ANKMY1: variants seen among roughly 807,000 people sequenced by gnomAD.
ANKMY1 encodes ankyrin repeat and MYND domain containing 1, also known as ankyrin repeat and MYND domain-containing protein 1.
In ANKMY1, 98 loss-of-function variants were observed where a neutral mutation model predicts 102.0. That is an observed-to-expected ratio of 0.96 (90% confidence interval 0.82 to 1.14). The LOEUF is 1.14. Ranked by LOEUF, ANKMY1 falls within the 50% of genes most tolerant of loss-of-function variation. The pLI is 0.00. For missense variants in ANKMY1, 1,330 were observed against 1,347.6 expected (o/e 0.99, Z 0.20); for synonymous variants, 582 against 559.9 (o/e 1.04, Z -0.56).
chr2:240,485,480 A>G (rs2075944136), intron 15 of ANKMY1, among the ~76,000 whole-genome samples: 1 of 152,234 alleles, frequency 6.6e-6, no homozygotes, highest in Non-Finnish European at 1.5e-5. Flanking sequence ...GATCTAGAAC[A>G]AGTGGATTAT....
intron 4 of ANKMY1, among the ~76,000 whole-genome samples, chr2:240,533,840 G>A (rs1446158040): frequency 2.0e-5 from 3 of 151,782 alleles, no homozygotes; most frequent in Admixed American, 6.6e-5. Flanking sequence ...GAAACAGAAA[G>A]GTTGAAAGTA....
chr2:240,553,323 T>A, intron 3 of ANKMY1: 4 of 462,832 alleles, frequency 8.6e-6, no homozygotes, highest in Non-Finnish European at 1.6e-5. Flanking sequence ...TACCTAGACA[T>A]CCTGAGTCAG....
At chr2:240,560,956 C>T (rs1265078375), upstream of ANKMY1, 5 of 1,520,454 alleles carry the variant, frequency 3.3e-6, no homozygotes, top group South Asian at 1.2e-5. Flanking sequence ...GCCATGGAGG[C>T]CGCGGTGCGC....
At chr2:240,551,152 GT>G (rs55960881) in intron 4 of ANKMY1, among the ~76,000 whole-genome samples, 12,850 of 143,234 alleles carry the variant, frequency 0.09, 635 homozygotes, top group Non-Finnish European at 0.12. Context: ...TGCTTTTTAT[GT>G]TTTTTTTTTT....
At chr2:240,480,897 G>A in intron 17 of ANKMY1, 40 bp downstream of exon 17, 1 of 1,587,128 alleles carries the variant, frequency 6.3e-7, no homozygotes, top group Non-Finnish European at 8.6e-7. Flanking sequence ...GCCCTCAGCA[G>A]CAGCGGAACC....
chr2:240,525,684 C>T lies in ANKMY1; in HGVS notation c.1335+1G>A. On this transcript the variant is annotated splice_donor_variant, in intron 7 of 17. Transcript: ENST00000401804. LOFTEE classifies it high-confidence loss of function. The stretch of plus-strand genomic sequence containing the variant: ...GGTGCAGTGGCCACCGGGGGGCTTA[C>T]CTGGGGCTCAGGTATGGTCCGTTCA... 2 of 1,613,704 alleles carry T rather than the reference C, an allele frequency of 1.2e-6. No homozygotes were observed. The highest frequency in any genetic ancestry group is 1.7e-6 in the Non-Finnish European group (2 of 1,179,814).
chr2:240,538,968 C>G (rs1315100837), intron 4 of ANKMY1, among the ~76,000 whole-genome samples: 1 of 152,184 alleles, frequency 6.6e-6, no homozygotes, highest in Non-Finnish European at 1.5e-5. Flanking sequence ...CACTCTGTGT[C>G]TTGCTCAGGG....
At chr2:240,518,167 T>C (rs1245387449) in intron 9 of ANKMY1, among the ~76,000 whole-genome samples, 1 of 152,172 alleles carries the variant, frequency 6.6e-6, no homozygotes, top group African/African-American at 2.4e-5. Flanking sequence ...TAAATAAACA[T>C]AGAAATTGAC....
intron 15 of ANKMY1, among the ~76,000 whole-genome samples, chr2:240,485,736 C>T (rs1284553815): frequency 6.6e-6 from 1 of 152,104 alleles, no homozygotes; most frequent in Admixed American, 6.5e-5. Flanking sequence ...ACTACAGGCC[C>T]ATGCCACCAC....
chr2:240,530,322 T>C (rs2085025885), intron 4 of ANKMY1, among the ~76,000 whole-genome samples: 1 of 151,894 alleles, frequency 6.6e-6, no homozygotes, highest in Admixed American at 6.5e-5. Flanking sequence ...CTCCCCAGTG[T>C]TGCAGTGGGG....
At chr2:240,515,559 A>C (rs923218290) in intron 9 of ANKMY1, among the ~76,000 whole-genome samples, 2 of 152,094 alleles carry the variant, frequency 1.3e-5, no homozygotes, top group Non-Finnish European at 2.9e-5. Context: ...AGAAAATTGT[A>C]AAAGGTTATA....
At chr2:240,477,433 C>T (rs1177590939), downstream of ANKMY1, among the ~76,000 whole-genome samples, 6 of 152,216 alleles carry the variant, frequency 3.9e-5, no homozygotes, top group African/African-American at 1.2e-4. Context: ...GCATCTTTCT[C>T]TCATCCAGGC....
In ANKMY1 at chr2:240,532,845, C is replaced by G. The variant is rs542874543; in HGVS notation, c.481-3336G>C. ...TCAGACTCCTGAGTAGCTAGGACTA[C>G]AGGTGCACGCCATCATGCCCAACTA... On this transcript the variant is annotated intron_variant, in intron 4 of 17. Transcript: ENST00000401804. Among the ~76,000 whole-genome samples the G allele has an allele frequency of 2.0e-5, 3 of 152,344 alleles. No homozygotes were observed. In the East Asian group the frequency reaches 5.8e-4, roughly 29 times the overall value.
Position 240,480,972 on chromosome 2 carries a change from A to T in ANKMY1, c.3011T>A (p.Phe1004Tyr), listed in dbSNP as rs1250569331. Residue 1004 changes from phenylalanine (F) to tyrosine (Y), a missense_variant, in exon 17 of 18, where the codon TTC becomes TAC. Coordinates refer to ENST00000401804, the MANE Select transcript of ANKMY1 (RefSeq NM_001282771.3). ...KYCKTKAWTE[F>Y]HKKDCGDLVA... Reference sequence around the variant, plus strand: ...CAGGTCCCCGCAGTCCTTCTTGTGGAACTCGGTCCAGGCCTTGGTCTTGCA... The same window carrying T: ...CAGGTCCCCGCAGTCCTTCTTGTGGTACTCGGTCCAGGCCTTGGTCTTGCA... 1 of 1,612,834 alleles carries T rather than the reference A, an allele frequency of 6.2e-7. No homozygotes were observed. The highest frequency in any genetic ancestry group is 1.3e-5 in the African/African-American group (1 of 74,934).
chr2:240,541,078 AACTG>A (rs1481766760), intron 4 of ANKMY1, among the ~76,000 whole-genome samples: 1 of 152,232 alleles, frequency 6.6e-6, no homozygotes, highest in East Asian at 1.9e-4. Context: ...CAACAAGCCC[AACTG>A]ACTAAGAGAG....
chr2:240,523,922 T>G lies in ANKMY1; in HGVS notation c.1795A>C (p.Lys599Gln). 1 of 1,613,616 alleles carries G rather than the reference T, an allele frequency of 6.2e-7. No homozygotes were observed. The highest frequency in any genetic ancestry group is 8.5e-7 in the Non-Finnish European group (1 of 1,179,918). ...AGCGCCATCCTCCGCATGGTCCCTT[T>G]GTCGAAGCTGCTGGTGCACGGTGAG... ...SPSPCTSSFDKGTMRRMALSM... is the reference protein window; with the variant it reads ...SPSPCTSSFDQGTMRRMALSM... Residue 599 changes from lysine (K) to glutamine (Q), a missense_variant, in exon 8 of 18, where the codon AAA (lysine) becomes CAA (glutamine). By Grantham distance (53) the Lys-to-Gln change is moderately conservative (BLOSUM62 1). Transcript: ENST00000401804.
chr2:240,515,194 C>T (rs948961919), intron 9 of ANKMY1, among the ~76,000 whole-genome samples: 2 of 152,098 alleles, frequency 1.3e-5, no homozygotes, highest in Non-Finnish European at 2.9e-5. Context: ...TGTCTGGGCC[C>T]CAGTGTCAAA....
chr2:240,524,605 A>C lies in ANKMY1; in HGVS notation c.1336-224T>G, dbSNP rs568008423. Among the ~76,000 whole-genome samples, 4 of 152,358 alleles carry C rather than the reference A, an allele frequency of 2.6e-5. No homozygotes were observed. In the South Asian group the frequency reaches 8.3e-4, roughly 32 times the overall value. Reference sequence around the variant, plus strand: ...CTGACCAGGCCACACCTCAGGCTGCATGGCCCTATACATGGCTGCTAAGCT... The same window carrying C: ...CTGACCAGGCCACACCTCAGGCTGCCTGGCCCTATACATGGCTGCTAAGCT... On this transcript the variant is annotated intron_variant, in intron 7 of 17. Coordinates refer to ENST00000401804, the MANE Select transcript of ANKMY1 (RefSeq NM_001282771.3).
chr2:240,498,665 T>C (rs2077622043), intron 15 of ANKMY1, among the ~76,000 whole-genome samples: 1 of 151,906 alleles, frequency 6.6e-6, no homozygotes, highest in Admixed American at 6.6e-5. Flanking sequence ...TGGATGTGTG[T>C]CCCCTCCAAA....
Sources: gnomAD v4.1 joint callset for allele counts (sites outside exome capture counted in the v4.1 genomes callset) on GRCh38, gnomAD v4.1.1 for gene constraint, MANE v1.5 for transcripts, NCBI Gene and HGNC (gene_info 2026-07-23, HGNC 2026-07-21) for gene names.